CRB1: variants seen among roughly 807,000 people sequenced by gnomAD.
The protein encoded by CRB1 is protein crumbs homolog 1.
Under a neutral mutation model 120.0 loss-of-function variants are expected in CRB1, and 83 were observed. The ratio of observed to expected loss-of-function variants is 0.69; its 90% confidence interval spans 0.58 to 0.83. CRB1 has a LOEUF of 0.83. Ranked by LOEUF, CRB1 falls within the 40% of genes least tolerant of loss-of-function variation. The probability of loss-of-function intolerance (pLI) is 0.00; values close to 1 mark genes in which losing one functional copy is unlikely to be tolerated. For synonymous variants in CRB1, 625 were observed against 612.5 expected, an observed-to-expected ratio of 1.02 and a Z score of -0.30; for missense variants, 1,699 against 1,687.6, an observed-to-expected ratio of 1.01 and a Z score of -0.12.
At position 197,427,788 on chromosome 1, in the gene CRB1, G is replaced by A. The variant is rs375269970; in HGVS notation, c.2463G>A (p.Thr821=). 1.4e-5 allele frequency: 23 copies of A among 1,613,790 alleles called. No homozygotes were observed. The highest frequency in any genetic ancestry group is 4.5e-5 in the East Asian group (2 of 44,896). ...SQNLGFISAS[T]WKIEKGDVIY... ...ACCTAGGATTTATTTCTGCTTCTAC[G>A]TGGAAAATCGAAAAGGGAGATGTCA... Residue 821 remains threonine (T), a synonymous_variant, in exon 7 of 12, where the codon ACG becomes ACA. Transcript: ENST00000367400.
chr1:197,356,724 T>A, intron 4 of CRB1, 107 bp from the exon 5 acceptor site: 1 of 1,129,360 alleles, frequency 8.9e-7, no homozygotes, highest in Non-Finnish European at 1.3e-6. Context: ...GGCAGGCACA[T>A]CAACTTGCTA....
intron 11 of CRB1, among the ~76,000 whole-genome samples, chr1:197,476,362 TTGTGTGTG>T (rs35012815): frequency 6.5e-4 from 91 of 140,376 alleles, no homozygotes; most frequent in African/African-American, 1.6e-3. Flanking sequence ...TTATGATTAT[TTGTGTGTG>T]TGTGTGTGTG....
At chr1:197,231,689 G>T in the CRB1 span, among the ~76,000 whole-genome samples, 2 of 152,164 alleles carry the variant, frequency 1.3e-5, no homozygotes, top group Non-Finnish European at 2.9e-5. Context: ...TGCTAAAGTG[G>T]ATATACCATG....
the CRB1 span, among the ~76,000 whole-genome samples, chr1:197,229,288 A>G: frequency 6.6e-6 from 1 of 152,164 alleles, no homozygotes; most frequent in Non-Finnish European, 1.5e-5. Flanking sequence ...GTATTTTATG[A>G]GATTAGCAAC....
intron 11 of CRB1, among the ~76,000 whole-genome samples, chr1:197,456,034 A>G (rs1022000537): frequency 6.6e-6 from 1 of 152,156 alleles, no homozygotes; most frequent in Non-Finnish European, 1.5e-5. Flanking sequence ...ATGTATTTTA[A>G]TTTAGTTTCA....
intron 1 of CRB1, among the ~76,000 whole-genome samples, chr1:197,293,977 C>T (rs1484595390): frequency 6.6e-6 from 1 of 152,148 alleles, no homozygotes; most frequent in African/African-American, 2.4e-5. Context: ...AAAACTTAGG[C>T]AATACCATTC....
At chr1:197,439,443 A>G (rs959047300) in intron 10 of CRB1, 7 of 152,154 alleles carry the variant, frequency 4.6e-5, no homozygotes, top group African/African-American at 1.7e-4. Context: ...CATGATTTTT[A>G]TTTTGCATAT....
intron 5 of CRB1, among the ~76,000 whole-genome samples, chr1:197,386,410 A>G (rs912074533): frequency 2.0e-5 from 3 of 152,160 alleles, no homozygotes; most frequent in Non-Finnish European, 2.9e-5. Flanking sequence ...GTGAGGACCC[A>G]GTTACCAATC....
chr1:197,262,127 T>C, the CRB1 span, among the ~76,000 whole-genome samples: 1 of 152,216 alleles, frequency 6.6e-6, no homozygotes, highest in Non-Finnish European at 1.5e-5. Context: ...CTCTAGTATC[T>C]GATGTATTGC....
chr1:197,476,397 T>TGTGC (rs1553269046), intron 11 of CRB1, among the ~76,000 whole-genome samples: 3,485 of 145,904 alleles, frequency 0.024, 57 homozygotes, highest in East Asian at 0.065. Context: ...TGTGTGTGTG[T>TGTGC]GCGCGTCTTC....
intron 11 of CRB1, among the ~76,000 whole-genome samples, chr1:197,466,393 A>AT (rs950195156): frequency 4.6e-5 from 7 of 151,904 alleles, no homozygotes; most frequent in Non-Finnish European, 8.8e-5. Flanking sequence ...ATAGGAGGCT[A>AT]TTTTTTTTCA....
In CRB1 at chr1:197,328,609, G is replaced by A; in HGVS notation, c.258G>A (p.Val86=). 1 of 1,614,222 alleles carries A rather than the reference G, an allele frequency of 6.2e-7. No homozygotes were observed. ...CCTGTCAAGGAAGTGCCACTTGTGT[G>A]AACACCCCAGGAGAAAGGAGCTTTC... ...SNPCQGSATC[V]NTPGERSFLC... is the part of the protein sequence containing the mutation. Residue 86 remains valine (V), a synonymous_variant, in exon 2 of 12, where the codon GTG becomes GTA. Coordinates refer to ENST00000367400, the MANE Select transcript of CRB1 (RefSeq NM_201253.3).
intron 5 of CRB1, among the ~76,000 whole-genome samples, chr1:197,412,837 A>G (rs1476466768): frequency 6.6e-6 from 1 of 152,250 alleles, no homozygotes; most frequent in Admixed American, 6.5e-5. Flanking sequence ...ATGAATGAAT[A>G]CATGCACTAT....
chr1:197,274,535 C>T (rs1655095073), intron 1 of CRB1, among the ~76,000 whole-genome samples: 2 of 152,108 alleles, frequency 1.3e-5, no homozygotes, highest in Admixed American at 1.3e-4. Context: ...TTGACAAATG[C>T]ACCATTAAAG....
chr1:197,344,166 T>G (rs753355997), intron 2 of CRB1, 115 bp from the exon 3 acceptor site: 15 of 1,045,724 alleles, frequency 1.4e-5, no homozygotes, highest in Non-Finnish European at 2.1e-5. Flanking sequence ...GAAAGTTATT[T>G]TGGGTAACAG....
chr1:197,426,993 A>C (rs1287103899), intron 6 of CRB1, among the ~76,000 whole-genome samples: 1 of 152,210 alleles, frequency 6.6e-6, no homozygotes, highest in Non-Finnish European at 1.5e-5. Flanking sequence ...TTGCTTCAGC[A>C]TGCCTCTAAG....
chr1:197,337,930 C>A (rs1218083021), intron 2 of CRB1, among the ~76,000 whole-genome samples: 2 of 151,504 alleles, frequency 1.3e-5, no homozygotes, highest in Admixed American at 6.6e-5. Context: ...TAGTAATTAT[C>A]CTAATGAAGA....
At chr1:197,259,936 G>A in the CRB1 span, among the ~76,000 whole-genome samples, 1 of 151,230 alleles carries the variant, frequency 6.6e-6, no homozygotes, top group Non-Finnish European at 1.5e-5. Context: ...GATCGCCTGA[G>A]CCCAGAAGTT....
chr1:197,202,590 T>A, the CRB1 span, among the ~76,000 whole-genome samples: 1 of 152,264 alleles, frequency 6.6e-6, no homozygotes, highest in Non-Finnish European at 1.5e-5. Context: ...CTTAGAACGT[T>A]GATGGAAATG....
Sources: allele counts gnomAD v4.1 joint callset (sites outside exome capture counted in the v4.1 genomes callset), GRCh38; gene constraint gnomAD v4.1.1; transcripts MANE v1.5; gene names NCBI Gene and HGNC (gene_info 2026-07-23, HGNC 2026-07-21).